The following PTPRD variants were observed in gnomAD, a reference collection of about 807,000 sequenced individuals.
PTPRD encodes receptor-type tyrosine-protein phosphatase delta.
A neutral mutation model predicts 214.5 loss-of-function variants in PTPRD; 34 were observed. The ratio of observed to expected loss-of-function variants is 0.16; its 90% CI spans 0.12 to 0.21. The LOEUF (loss-of-function observed/expected upper bound fraction) is 0.21. Among genes scored for constraint, PTPRD ranks in the 10% least tolerant of loss-of-function variants. The probability of loss-of-function intolerance (pLI) is 1.00; values close to 1 mark genes in which losing one functional copy is unlikely to be tolerated. For missense variants in PTPRD, 2,545 were observed against 2,398.7 expected, an observed-to-expected ratio of 1.06 and a Z score of -1.27; for synonymous variants, 1,128 against 845.7, an observed-to-expected ratio of 1.33 and a Z score of -5.79.
At chr9:8,501,568 T>C (rs1032600799) in intron 23 of PTPRD, among the ~76,000 whole-genome samples, 24 of 152,202 alleles carry the variant, frequency 1.6e-4, no homozygotes, top group African/African-American at 5.8e-4. Context: ...AAAGTTGCAA[T>C]AACTGCTAAT....
chr9:9,865,968 G>C (rs981174735), intron 5 of PTPRD, among the ~76,000 whole-genome samples: 10 of 152,116 alleles, frequency 6.6e-5, no homozygotes, highest in Non-Finnish European at 1.5e-4. Flanking sequence ...AACAATTCAA[G>C]GAAGAGTCCC....
chr9:10,202,310 C>A (rs1056777115), intron 3 of PTPRD, among the ~76,000 whole-genome samples: 3 of 151,880 alleles, frequency 2.0e-5, no homozygotes, highest in East Asian at 1.9e-4. Flanking sequence ...AGCCCCCCCA[C>A]AACCAGGAGT....
At position 9,334,760 on chromosome 9, in the gene PTPRD, C is replaced by G. The variant is rs534358999; in HGVS notation, c.-203+62689G>C. On this transcript the variant is annotated intron_variant, in intron 9 of 45. Transcript: ENST00000381196. ...TAGTGTCTATTATTATCATGATCATCATCATCATCATCCTCATCCCAACCA... is the reference window on the plus strand; with the variant it reads ...TAGTGTCTATTATTATCATGATCATGATCATCATCATCCTCATCCCAACCA... Among the ~76,000 whole-genome samples, 17 of 151,946 alleles carry G rather than the reference C, an allele frequency of 1.1e-4. No homozygotes were observed. In the South Asian group the frequency reaches 1.5e-3, roughly 13 times the overall value.
In PTPRD at chr9:10,349,821, C is replaced by T. The variant is rs558061394; in HGVS notation, c.-599-8804G>A. On this transcript the variant is annotated intron_variant, in intron 2 of 45. Transcript: ENST00000381196. ...TCTTACAGGTGCATGCCACCATCCCCAGCTAATTTTTTGTATTTTTAATAG... is the reference window on the plus strand; with the variant it reads ...TCTTACAGGTGCATGCCACCATCCCTAGCTAATTTTTTGTATTTTTAATAG... Among the ~76,000 whole-genome samples, 50 of 152,260 alleles carry T rather than the reference C, an allele frequency of 3.3e-4. No homozygotes were observed. In the South Asian group the frequency reaches 0.01, roughly 31 times the overall value.
At chr9:8,680,691 T>A (rs68063670) in intron 12 of PTPRD, among the ~76,000 whole-genome samples, 2 of 148,782 alleles carry the variant, frequency 1.3e-5, no homozygotes, top group Admixed American at 6.6e-5. Context: ...TAAACACACA[T>A]ACACACATAA....
chr9:9,390,862 T>C (rs1053320716), intron 9 of PTPRD, among the ~76,000 whole-genome samples: 2 of 152,180 alleles, frequency 1.3e-5, no homozygotes, highest in Non-Finnish European at 2.9e-5. Context: ...CCATCTTACA[T>C]GCTGGTTGTG....
At chr9:8,461,852 G>C (rs1212814036) in intron 32 of PTPRD, among the ~76,000 whole-genome samples, 1 of 151,722 alleles carries the variant, frequency 6.6e-6, no homozygotes, top group Non-Finnish European at 1.5e-5. Context: ...GTCTCACCAT[G>C]TTTCCCAGGC....
At chr9:9,006,498 T>G (rs997830609) in intron 11 of PTPRD, among the ~76,000 whole-genome samples, 3 of 152,084 alleles carry the variant, frequency 2.0e-5, no homozygotes, top group African/African-American at 7.2e-5. Context: ...CCCAGAGTTT[T>G]ATCTCTGTAA....
chr9:8,762,701 G>C (rs1478099111), intron 11 of PTPRD, among the ~76,000 whole-genome samples: 1 of 152,060 alleles, frequency 6.6e-6, no homozygotes, highest in Admixed American at 6.6e-5. Flanking sequence ...TCTGACCCTT[G>C]AAACTAAAAG....
At chr9:9,860,745 G>A (rs2062555906) in intron 5 of PTPRD, among the ~76,000 whole-genome samples, 1 of 152,086 alleles carries the variant, frequency 6.6e-6, no homozygotes, top group Non-Finnish European at 1.5e-5. Context: ...CTAAACAATT[G>A]TAGTTCATTA....
chr9:8,541,292 C>T (rs1471296614), intron 14 of PTPRD, among the ~76,000 whole-genome samples: 1 of 152,144 alleles, frequency 6.6e-6, no homozygotes, highest in African/African-American at 2.4e-5. Context: ...TGCAATGGTG[C>T]AATCATAGTT....
At chr9:9,092,848 T>G (rs545644487) in intron 10 of PTPRD, among the ~76,000 whole-genome samples, 1 of 152,200 alleles carries the variant, frequency 6.6e-6, no homozygotes, top group African/African-American at 2.4e-5. Context: ...AATTTCATCA[T>G]GTGTAAATGT....
intron 2 of PTPRD, among the ~76,000 whole-genome samples, chr9:10,517,077 T>C (rs1000131568): frequency 2.6e-5 from 4 of 152,014 alleles, no homozygotes; most frequent in African/African-American, 9.7e-5. Flanking sequence ...ACAAAAAATT[T>C]TAGATTTTTT....
chr9:10,129,192 G>C (rs2154255647), intron 3 of PTPRD, among the ~76,000 whole-genome samples: 1 of 152,182 alleles, frequency 6.6e-6, no homozygotes, highest in South Asian at 2.1e-4. Flanking sequence ...TATTCATCTT[G>C]CTTTGTTTAT....
chr9:9,660,206 T>A (rs2096596076), intron 7 of PTPRD, among the ~76,000 whole-genome samples: 1 of 152,106 alleles, frequency 6.6e-6, no homozygotes, highest in African/African-American at 2.4e-5. Flanking sequence ...CACCTGGGCA[T>A]ATAAGATTTT....
chr9:8,358,823 G>A (rs567941905), intron 39 of PTPRD, among the ~76,000 whole-genome samples: 2 of 152,004 alleles, frequency 1.3e-5, no homozygotes, highest in Non-Finnish European at 1.5e-5. Flanking sequence ...AAAAAAAAAT[G>A]TAATATAAAA....
At chr9:10,500,564 C>G (rs1589527330) in intron 2 of PTPRD, among the ~76,000 whole-genome samples, 1 of 151,966 alleles carries the variant, frequency 6.6e-6, no homozygotes, top group Non-Finnish European at 1.5e-5. Flanking sequence ...TAACTATACT[C>G]TTTTAGCTAT....
chr9:8,369,019 G>A (rs73643620), intron 39 of PTPRD, among the ~76,000 whole-genome samples: 5,987 of 152,014 alleles, frequency 0.039, 373 homozygotes, highest in African/African-American at 0.13. Flanking sequence ...CTCCTATTCC[G>A]TAATTTACAC....
chr9:9,546,637 C>A (rs1295151504), intron 8 of PTPRD, among the ~76,000 whole-genome samples: 1 of 151,634 alleles, frequency 6.6e-6, no homozygotes, highest in East Asian at 1.9e-4. Flanking sequence ...GGCAGTAATG[C>A]ACAAATTTAA....
Sources: gnomAD v4.1 joint callset for allele counts (sites outside exome capture counted in the v4.1 genomes callset) on GRCh38, gnomAD v4.1.1 for gene constraint, MANE v1.5 for transcripts, NCBI Gene and HGNC (gene_info 2026-07-23, HGNC 2026-07-21) for gene names.